The following KAZN variants were observed in gnomAD, a reference collection of about 807,000 sequenced individuals.
KAZN encodes kazrin.
Under a neutral mutation model 87.4 loss-of-function variants are expected in KAZN, and 40 were observed. That is an observed-to-expected ratio of 0.46 (90% confidence interval 0.36 to 0.60). The LOEUF (loss-of-function observed/expected upper bound fraction) is 0.60. KAZN is among the 20% of genes least tolerant of loss of function. KAZN has a pLI of 0.00. For missense variants in KAZN, 898 were observed against 1,073.9 expected, an observed-to-expected ratio of 0.84 and a Z score of 2.29; for synonymous variants, 466 against 458.3, an observed-to-expected ratio of 1.02 and a Z score of -0.22.
intron 1 of KAZN, among the ~76,000 whole-genome samples, chr1:14,782,796 G>T (rs1263457221): frequency 6.6e-6 from 1 of 152,074 alleles, no homozygotes; most frequent in Non-Finnish European, 1.5e-5. Flanking sequence ...GTTTTCCTGA[G>T]TCGCTGGAGG....
chr1:14,162,419 G>T (rs560509603), intron 1 of KAZN, among the ~76,000 whole-genome samples: 1 of 152,124 alleles, frequency 6.6e-6, no homozygotes, highest in Admixed American at 6.5e-5. Context: ...ACTGAGGGAT[G>T]ACATTAACTT....
rs796167156 is a variant in KAZN at position 14,691,442 on chromosome 1, CAG to C, written c.226+92223_226+92224del. Among the ~76,000 whole-genome samples the C allele has an allele frequency of 2.7e-4, 41 of 152,248 alleles. 1 individual carries two copies. Among genetic ancestry groups the C allele is most frequent in the African/African-American group, 9.4e-4 (39 of 41,562 alleles). On this transcript the variant is annotated intron_variant, in intron 1 of 14. Transcript: ENST00000376030. ...ATGCATGAAAGAATAACAGTATTAA[CAG>C]AGATGAACTCTAGGTTTATGGGATT...
At chr1:14,965,138 C>A (rs1229404465) in intron 2 of KAZN, among the ~76,000 whole-genome samples, 1 of 151,882 alleles carries the variant, frequency 6.6e-6, no homozygotes, top group African/African-American at 2.4e-5. Context: ...CTCAAATGAG[C>A]CTCCAGAGAA....
rs1644978948 is a variant in KAZN at position 14,769,948 on chromosome 1, G to T, written c.226+170725G>T. 3.3e-5 allele frequency among the ~76,000 whole-genome samples: 5 copies of T among 152,210 alleles called. No homozygotes were observed. The highest frequency in any genetic ancestry group is 3.3e-4 in the Admixed American group (5 of 15,276). On this transcript the variant is annotated intron_variant, in intron 1 of 14. Transcript: ENST00000376030. The surrounding 1 kb of genome is among the most constrained non-coding windows in gnomAD (Gnocchi z 4.1). The stretch of plus-strand genomic sequence containing the variant: ...GATCAGGGATGGCCCCTCTGAGCAG[G>T]TGATGGGTAAACTGAACCCTGGAGG...
chr1:14,512,589 T>A (rs970814139), intron 2 of KAZN, among the ~76,000 whole-genome samples: 1 of 140,794 alleles, frequency 7.1e-6, no homozygotes, highest in African/African-American at 2.7e-5. Flanking sequence ...CTAGCTCCAA[T>A]TCCCTAATTT....
intron 2 of KAZN, among the ~76,000 whole-genome samples, chr1:14,181,592 A>G (rs1646199873): frequency 6.6e-6 from 1 of 152,064 alleles, no homozygotes; most frequent in African/African-American, 2.4e-5. Context: ...GGGATTTTTG[A>G]GGCCCTCTGT....
intron 2 of KAZN, among the ~76,000 whole-genome samples, chr1:14,243,897 G>A (rs1217660101): frequency 6.6e-6 from 1 of 152,162 alleles, no homozygotes; most frequent in Non-Finnish European, 1.5e-5. Flanking sequence ...CAGAGGGCCA[G>A]CGTAGTTTAC....
chr1:14,818,206 T>C (rs1468238195), intron 1 of KAZN, among the ~76,000 whole-genome samples: 4 of 152,254 alleles, frequency 2.6e-5, no homozygotes, highest in Non-Finnish European at 5.9e-5. Context: ...GGTACTTTGT[T>C]GCCCCTTCGT....
At chr1:14,488,245 C>T (rs1205105823) in intron 2 of KAZN, among the ~76,000 whole-genome samples, 1 of 152,160 alleles carries the variant, frequency 6.6e-6, no homozygotes, top group African/African-American at 2.4e-5. Context: ...ATATCTGTCT[C>T]TTAGTCACTT....
intron 2 of KAZN, among the ~76,000 whole-genome samples, chr1:14,398,908 G>A (rs1429976443): frequency 3.9e-5 from 6 of 152,074 alleles, no homozygotes; most frequent in Non-Finnish European, 4.4e-5. Context: ...CGGATTACTC[G>A]GGGGTTTTCT....
At chr1:14,006,600 C>T (rs1192347552) in intron 1 of KAZN, among the ~76,000 whole-genome samples, 1 of 152,138 alleles carries the variant, frequency 6.6e-6, no homozygotes, top group African/African-American at 2.4e-5. Context: ...AAGAGACTAT[C>T]CTTTCTCCAG....
intron 2 of KAZN, among the ~76,000 whole-genome samples, chr1:15,006,832 G>A (rs931012023): frequency 4.6e-5 from 7 of 151,978 alleles, no homozygotes; most frequent in East Asian, 3.9e-4. Context: ...CGAGGCAGGC[G>A]GATCACGAGG....
intron 1 of KAZN, among the ~76,000 whole-genome samples, chr1:14,918,413 C>T (rs997369704): frequency 3.3e-5 from 5 of 151,864 alleles, no homozygotes; most frequent in Admixed American, 1.3e-4. Context: ...TGGTGGCTCA[C>T]CCCTGTAACC....
intron 1 of KAZN, among the ~76,000 whole-genome samples, chr1:14,913,658 C>T (rs1410607777): frequency 6.6e-6 from 1 of 152,212 alleles, no homozygotes; most frequent in Non-Finnish European, 1.5e-5. Flanking sequence ...AGGTAAGGCC[C>T]GTTCCCAACC....
intron 2 of KAZN, among the ~76,000 whole-genome samples, chr1:14,378,250 A>G (rs974762710): frequency 1.3e-5 from 2 of 151,788 alleles, no homozygotes; most frequent in Non-Finnish European, 1.5e-5. Context: ...AACTTCAATT[A>G]TTAATTCTTA....
intron 1 of KAZN, among the ~76,000 whole-genome samples, chr1:14,826,526 C>T (rs893741093): frequency 3.9e-5 from 6 of 152,156 alleles, no homozygotes; most frequent in Non-Finnish European, 5.9e-5. Flanking sequence ...CTCCTGGGGG[C>T]GGCTGATGGC....
intron 1 of KAZN, among the ~76,000 whole-genome samples, chr1:14,010,104 A>T (rs576535546): frequency 7.2e-5 from 11 of 152,196 alleles, no homozygotes; most frequent in East Asian, 5.8e-4. Flanking sequence ...AATACTAATT[A>T]AAAAAATTAG....
At chr1:15,039,623 A>C (rs6429706) in intron 3 of KAZN, among the ~76,000 whole-genome samples, 92,822 of 152,112 alleles carry the variant, frequency 0.61, 29,516 homozygotes, top group African/African-American at 0.8. Context: ...GATACATTTT[A>C]ATGGGGTACA....
At chr1:14,827,551 G>A (rs1437564473) in intron 1 of KAZN, among the ~76,000 whole-genome samples, 1 of 152,188 alleles carries the variant, frequency 6.6e-6, no homozygotes, top group Non-Finnish European at 1.5e-5. Context: ...GCCTCCCCCT[G>A]CACACTAGGC....
Sources: gnomAD v4.1 joint callset for allele counts (sites outside exome capture counted in the v4.1 genomes callset) on GRCh38, gnomAD v4.1.1 for gene constraint, Gnocchi (gnomAD v3.1) non-coding constraint, MANE v1.5 for transcripts, NCBI Gene and HGNC (gene_info 2026-07-23, HGNC 2026-07-21) for gene names.